The following NCK2 variants were observed in gnomAD, a reference collection of about 807,000 sequenced individuals.
NCK2 encodes cytoplasmic protein NCK2.
Under a neutral mutation model 33.9 loss-of-function variants are expected in NCK2, and 16 were observed. That is an observed-to-expected ratio of 0.47 (90% CI 0.32 to 0.72). The LOEUF (loss-of-function observed/expected upper bound fraction) is 0.72, where lower values mean the gene tolerates loss of function less well. NCK2 is among the 30% of genes least tolerant of loss of function. The pLI is 0.03. For missense variants in NCK2, 418 were observed against 537.3 expected (o/e 0.78, Z 2.19); for synonymous variants, 273 against 239.9 (o/e 1.14, Z -1.27).
intron 2 of NCK2, among the ~76,000 whole-genome samples, chr2:105,833,285 T>G (rs547963922): frequency 3.3e-5 from 5 of 152,158 alleles, no homozygotes; most frequent in Admixed American, 2.6e-4. Flanking sequence ...TTACTAGAGA[T>G]GAGCTTTCAC....
At chr2:105,818,317 T>C (rs1170518674) in intron 2 of NCK2, among the ~76,000 whole-genome samples, 1 of 142,674 alleles carries the variant, frequency 7.0e-6, no homozygotes, top group African/African-American at 2.6e-5. Context: ...TTAGGAGATA[T>C]ACCTAATGTA....
chr2:105,868,444 G>T lies in NCK2; in HGVS notation c.227-12884G>T, dbSNP rs148689518. 4.2e-3 allele frequency among the ~76,000 whole-genome samples: 646 copies of T among 152,332 alleles called. 2 individuals are homozygous for T. The highest frequency in any genetic ancestry group is 0.014 in the African/African-American group (587 of 41,578). ...AGCAGGCCGTGCTGAGGCAGCTGTT[G>T]ATGGGGAATCTTGCTTGGTTTTGTG... On this transcript the variant is annotated intron_variant, in intron 3 of 4. Coordinates refer to ENST00000233154, the MANE Select transcript of NCK2 (RefSeq NM_003581.5).
intron 1 of NCK2, among the ~76,000 whole-genome samples, chr2:105,748,826 A>G (rs1185953576): frequency 1.3e-5 from 2 of 152,142 alleles, no homozygotes; most frequent in African/African-American, 4.8e-5. Flanking sequence ...CTTATTGAAT[A>G]TGTGAATAAT....
intron 3 of NCK2, among the ~76,000 whole-genome samples, chr2:105,870,310 G>C (rs938100994): frequency 4.6e-5 from 7 of 152,228 alleles, no homozygotes; most frequent in African/African-American, 1.7e-4. Context: ...AGGCAGGGTG[G>C]CTGCTTGGGG....
chr2:105,823,577 A>G (rs1675829890), intron 2 of NCK2, among the ~76,000 whole-genome samples: 1 of 152,014 alleles, frequency 6.6e-6, no homozygotes. Flanking sequence ...ATAAGAGGTC[A>G]CAGTTTATGG....
intron 3 of NCK2, among the ~76,000 whole-genome samples, chr2:105,869,647 A>G (rs552959316): frequency 4.6e-5 from 7 of 152,310 alleles, no homozygotes; most frequent in African/African-American, 1.7e-4. Flanking sequence ...CCTGCAGAAC[A>G]GCAGGCGTGC....
intron 1 of NCK2, among the ~76,000 whole-genome samples, chr2:105,796,350 CTG>C (rs1260087190): frequency 6.6e-6 from 1 of 152,204 alleles, no homozygotes; most frequent in African/African-American, 2.4e-5. Flanking sequence ...TATCTTATCT[CTG>C]TACTTCCTGT....
At chr2:105,809,475 G>A (rs2104466393) in intron 1 of NCK2, among the ~76,000 whole-genome samples, 1 of 152,124 alleles carries the variant, frequency 6.6e-6, no homozygotes, top group East Asian at 1.9e-4. Flanking sequence ...TCTTCATAAG[G>A]TCTTTTCAAC....
intron 1 of NCK2, among the ~76,000 whole-genome samples, chr2:105,799,906 T>G (rs1278208223): frequency 2.0e-5 from 3 of 152,230 alleles, no homozygotes; most frequent in African/African-American, 7.2e-5. Context: ...ACTTTTTTTT[T>G]TAACAGTGAG....
chr2:105,867,581 A>G (rs1220597383), intron 3 of NCK2, among the ~76,000 whole-genome samples: 2 of 152,316 alleles, frequency 1.3e-5, no homozygotes, highest in Non-Finnish European at 2.9e-5. Flanking sequence ...AAGGCAGGAG[A>G]GACCCTGGGA....
In NCK2 at chr2:105,893,671, C is replaced by G. The variant is rs1679092670; in HGVS notation, c.*495C>G. The G allele has an allele frequency of 1.3e-5, 2 of 153,594 alleles. No individual in the cohort carries two copies. The highest frequency in any genetic ancestry group is 2.4e-5 in the African/African-American group (1 of 41,470). The allele number at this position is 153,594 out of a possible 1,614,324, so 9.5% of individuals were successfully genotyped here. A position where few individuals can be genotyped will look rare whatever the true frequency, so the allele number is the denominator to read the frequency against. On this transcript the variant is annotated 3_prime_UTR_variant, in exon 5 of 5. Transcript: ENST00000233154. Reference sequence around the variant, plus strand: ...GCCGATACGTTTGCTGATAGCAATACTGGAACCACCGGGTGCGATGGCAGT... The same window carrying G: ...GCCGATACGTTTGCTGATAGCAATAGTGGAACCACCGGGTGCGATGGCAGT...
chr2:105,875,169 A>T (rs569934771), intron 3 of NCK2, among the ~76,000 whole-genome samples: 33 of 152,292 alleles, frequency 2.2e-4, no homozygotes, highest in African/African-American at 7.9e-4. Flanking sequence ...GGGCAGCTCT[A>T]TGCTCAGGAG....
intron 4 of NCK2, among the ~76,000 whole-genome samples, chr2:105,885,358 T>C (rs889153301): frequency 2.6e-5 from 4 of 152,248 alleles, no homozygotes; most frequent in Non-Finnish European, 5.9e-5. Context: ...AATGCACATA[T>C]TTGTTTCATT....
chr2:105,760,505 C>T (rs566425310), intron 1 of NCK2, among the ~76,000 whole-genome samples: 2 of 152,292 alleles, frequency 1.3e-5, no homozygotes, highest in South Asian at 4.1e-4. Context: ...CCATCCTTGC[C>T]GTTCACACCT....
intron 3 of NCK2, among the ~76,000 whole-genome samples, chr2:105,875,053 T>G (rs1052486588): frequency 5.3e-5 from 8 of 152,226 alleles, no homozygotes; most frequent in African/African-American, 1.2e-4. Flanking sequence ...TTTATTATTA[T>G]GAAATGCAGA....
intron 1 of NCK2, among the ~76,000 whole-genome samples, chr2:105,758,798 G>C (rs1689673721): frequency 1.3e-5 from 2 of 152,176 alleles, no homozygotes; most frequent in African/African-American, 4.8e-5. Flanking sequence ...CCAAATTACT[G>C]TACTGCTCTG....
chr2:105,882,847 T>C (rs1489646316), intron 4 of NCK2, among the ~76,000 whole-genome samples: 2 of 152,154 alleles, frequency 1.3e-5, no homozygotes, highest in Middle Eastern at 3.2e-3. Flanking sequence ...ATTTAGGAGA[T>C]AGAGTTTAAT....
At chr2:105,768,628 G>A (rs537362745) in intron 1 of NCK2, among the ~76,000 whole-genome samples, 1 of 152,274 alleles carries the variant, frequency 6.6e-6, no homozygotes, top group East Asian at 1.9e-4. Flanking sequence ...TTTGAATACG[G>A]CCCAACACAA....
At chr2:105,890,452 CTT>C (rs1305107531) in intron 4 of NCK2, among the ~76,000 whole-genome samples, 1 of 152,198 alleles carries the variant, frequency 6.6e-6, no homozygotes, top group African/African-American at 2.4e-5. Flanking sequence ...TGCCCTTCAT[CTT>C]TTCCTAAAGA....
Sources: allele counts gnomAD v4.1 joint callset (sites outside exome capture counted in the v4.1 genomes callset), GRCh38; gene constraint gnomAD v4.1.1; transcripts MANE v1.5; gene names NCBI Gene and HGNC (gene_info 2026-07-23, HGNC 2026-07-21).